The following LTC4S variants were observed in gnomAD, a reference collection of about 807,000 sequenced individuals.
The protein encoded by LTC4S is LTC4 synthase.
Under a neutral mutation model 19.6 loss-of-function variants are expected in LTC4S, and 18 were observed. The observed-to-expected ratio is 0.92, with a 90% CI of 0.64 to 1.36. LTC4S has a LOEUF of 1.36. Among genes scored for constraint, LTC4S ranks in the 40% most tolerant of loss-of-function variants. The probability of loss-of-function intolerance (pLI) is 0.00; values close to 1 mark genes in which losing one functional copy is unlikely to be tolerated. For synonymous variants in LTC4S, 126 were observed against 110.1 expected, an observed-to-expected ratio of 1.14 and a Z score of -0.91; for missense variants, 235 against 212.2, an observed-to-expected ratio of 1.11 and a Z score of -0.67.
rs546997286 is a variant in LTC4S at position 179,796,119 on chromosome 5, C to T, written c.311+97C>T. The T allele has an allele frequency of 2.8e-3, 3,682 of 1,295,786 alleles. 68 individuals carry two copies. The African/African-American group carries it at 0.043, about 15-fold the overall frequency. 80.3% of individuals were successfully genotyped at this position (1,295,786 alleles called of 1,614,324 possible). ...ACCGAAGCTGGGGGCGGGCGACGGG[C>T]CGGAGCCCAGCGCCTTTGGGGATTC... On this transcript the variant is annotated intron_variant, in intron 4 of 4. Transcript: ENST00000292596.
chr5:179,794,041 C>T lies in LTC4S; in HGVS notation c.-40C>T, dbSNP rs756542919. The T allele has an allele frequency of 7.4e-6, 12 of 1,613,202 alleles. No individual in the cohort carries two copies. Among genetic ancestry groups the T allele is most frequent in the African/African-American group, 5.3e-5 (4 of 75,034 alleles). On this transcript the variant is annotated 5_prime_UTR_variant, in exon 1 of 5. Coordinates refer to ENST00000292596, the MANE Select transcript of LTC4S (RefSeq NM_145867.2). ...AGACGGGGCTAAGCGTTCCCCAGCTCGCCTTCACACACAGCCCGTGCCACC... is the reference window on the plus strand; with the variant it reads ...AGACGGGGCTAAGCGTTCCCCAGCTTGCCTTCACACACAGCCCGTGCCACC...
In LTC4S at chr5:179,796,234, C is replaced by G. The variant is rs1231986884; in HGVS notation, c.312-19C>G. 1.4e-6 allele frequency: 2 copies of G among 1,446,530 alleles called. No individual in the cohort carries two copies. Among genetic ancestry groups the G allele is most frequent in the Admixed American group, 2.5e-5 (1 of 39,770 alleles). The allele number at this position is 1,446,530 out of a possible 1,614,324, so 89.6% of individuals were successfully genotyped here. A position where few individuals can be genotyped will look rare whatever the true frequency, so the allele number is the denominator to read the frequency against. Reference sequence around the variant, plus strand: ...AGCGGGCCTCCTCGCGCCACCTCCCCGCTGACCGCCGCCCGCAGGCTGGCA... The same window carrying G: ...AGCGGGCCTCCTCGCGCCACCTCCCGGCTGACCGCCGCCCGCAGGCTGGCA... On this transcript the variant is annotated intron_variant, in intron 4 of 4. Coordinates refer to ENST00000292596, the MANE Select transcript of LTC4S (RefSeq NM_145867.2).
At position 179,795,808 on chromosome 5, in the gene LTC4S, C is replaced by T. The variant is rs775692778; in HGVS notation, c.181C>T (p.Pro61Ser). The T allele has an allele frequency of 1.2e-6, 2 of 1,605,250 alleles. No individual in the cohort carries two copies. The highest frequency in any genetic ancestry group is 3.4e-5 in the Admixed American group (2 of 59,610). The change falls in exon 3 of 5, where the codon CCG (proline) becomes TCG (serine). Residue 61 changes from proline to serine, a missense_variant. Pro to Ser is a moderately conservative substitution (Grantham distance 74, BLOSUM62 -1). Transcript: ENST00000292596. ...CAGGGTGAACTGCAGCGAGTACTTC[C>T]CGCTGTTCCTCGCCACGCTCTGGGT... Reference protein sequence around the residue: ...RAQVNCSEYFPLFLATLWVAG... With the variant: ...RAQVNCSEYFSLFLATLWVAG...
In LTC4S at chr5:179,796,573, G is replaced by A; in HGVS notation, c.*179G>A. 1.0e-6 allele frequency: 1 copy of A among 1,003,612 alleles called. No homozygotes were observed. The highest frequency in any genetic ancestry group is 2.6e-5 in the South Asian group (1 of 38,300). 62.2% of individuals were successfully genotyped at this position (1,003,612 alleles called of 1,614,324 possible). A position where few individuals can be genotyped will look rare whatever the true frequency, so the allele number is the denominator to read the frequency against. ...CACCGCGGGCTACGGAGCCTGGAGG[G>A]GCCCAGCCCGAGTCCGGGCAGCCCG... On this transcript the variant is annotated 3_prime_UTR_variant, in exon 5 of 5. Coordinates refer to ENST00000292596, the MANE Select transcript of LTC4S (RefSeq NM_145867.2).
At position 179,795,663 on chromosome 5, in the gene LTC4S, C is replaced by T; in HGVS notation, c.138C>T (p.Phe46=). Residue 46 remains phenylalanine (F), a synonymous_variant, in exon 2 of 5, where the codon TTC becomes TTT. Transcript: ENST00000292596. ...CGCTCACCACCGGCCCACCCGAGTT[C>T]GAGCGCGTCTACCGAGCCCAGTGAG... is the stretch of plus-strand genomic sequence containing the variant. The part of the protein sequence containing the change: ...SPPLTTGPPE[F]ERVYRAQVNC... The T allele has an allele frequency of 6.2e-7, 1 of 1,607,520 alleles. No homozygotes were observed. Among genetic ancestry groups the T allele is most frequent in the Non-Finnish European group, 8.5e-7 (1 of 1,178,446 alleles).
chr5:179,794,697 C>T (rs1756553315), intron 1 of LTC4S, among the ~76,000 whole-genome samples: 1 of 152,218 alleles, frequency 6.6e-6, no homozygotes, highest in African/African-American at 2.4e-5. Context: ...CTGCACTGAG[C>T]TGGATGGCCA....
intron 1 of LTC4S, 93 bp from the exon 2 acceptor site, chr5:179,795,491 C>T: frequency 3.9e-6 from 6 of 1,528,898 alleles, no homozygotes; most frequent in Non-Finnish European, 5.3e-6. Context: ...GAGGACACGG[C>T]CAAGTGAAGG....
rs146614595 is a variant in LTC4S, at chr5:179,794,101, A to G, written c.21A>G (p.Leu7=). MKDEVA[L]LAAVTLLGVL... is the part of the protein sequence containing the mutation. Reference sequence around the variant, plus strand: ...GTACCATGAAGGACGAGGTAGCTCTACTGGCTGCTGTCACCCTCCTGGGAG... The same window carrying G: ...GTACCATGAAGGACGAGGTAGCTCTGCTGGCTGCTGTCACCCTCCTGGGAG... The change falls in exon 1 of 5, where the codon CTA becomes CTG. Residue 7 remains leucine, a synonymous_variant. Transcript: ENST00000292596. 138 of 1,613,608 alleles carry G rather than the reference A, an allele frequency of 8.6e-5. No homozygotes were observed. The highest frequency in any genetic ancestry group is 1.1e-4 in the Non-Finnish European group (135 of 1,179,964).
rs1172467708 is a variant in LTC4S at position 179,796,040 on chromosome 5, AGCGGG to A, written c.311+26_311+30del. The A allele has an allele frequency of 5.2e-6, 7 of 1,357,498 alleles. No homozygotes were observed. Among genetic ancestry groups the A allele is most frequent in the Non-Finnish European group, 6.8e-6 (7 of 1,030,606 alleles). 84.1% of individuals were successfully genotyped at this position (1,357,498 alleles called of 1,614,324 possible). A position where few individuals can be genotyped will look rare whatever the true frequency, so the allele number is the denominator to read the frequency against. ...CAGCTCAGGTGAGGGCCGGGCGGGG[AGCGGG>A]GCGGGGCCGGGGAAAGATCGCGGGC... On this transcript the variant is annotated intron_variant, in intron 4 of 4. Coordinates refer to ENST00000292596, the MANE Select transcript of LTC4S (RefSeq NM_145867.2).
Position 179,796,249 on chromosome 5 carries a change from G to A in LTC4S, c.312-4G>A, listed in dbSNP as rs980838794. 19 of 1,451,470 alleles carry A rather than the reference G, an allele frequency of 1.3e-5. 1 individual carries two copies. The highest frequency in any genetic ancestry group is 2.5e-5 in the Admixed American group (1 of 40,022). The allele number at this position is 1,451,470 out of a possible 1,614,324, so 89.9% of individuals were successfully genotyped here. A position where few individuals can be genotyped will look rare whatever the true frequency, so the allele number is the denominator to read the frequency against. ...GCCACCTCCCCGCTGACCGCCGCCC[G>A]CAGGCTGGCACCGCTGTACGCGAGC... On this transcript the variant is annotated splice_polypyrimidine_tract_variant and splice_region_variant and intron_variant, in intron 4 of 4. Transcript: ENST00000292596.
chr5:179,794,278 C>A, intron 1 of LTC4S, 140 bp downstream of exon 1: 1 of 1,084,214 alleles, frequency 9.2e-7, no homozygotes, highest in South Asian at 1.3e-5. Flanking sequence ...TTTCAGGGAA[C>A]TGGGGGGCAC....
At position 179,795,786 on chromosome 5, in the gene LTC4S, G is replaced by C. The variant is rs1453536887; in HGVS notation, c.159G>C (p.Gln53His). ...PPEFERVYRA[Q>H]VNCSEYFPLF... The stretch of plus-strand genomic sequence containing the variant: ...CGCTCATCCCACCCGCCCACCGCAG[G>C]GTGAACTGCAGCGAGTACTTCCCGC... The change falls in exon 3 of 5, where the codon CAG (glutamine) becomes CAC (histidine). Residue 53 changes from glutamine to histidine, a missense_variant and splice_region_variant. Transcript: ENST00000292596. 6.3e-7 allele frequency: 1 copy of C among 1,599,328 alleles called. No homozygotes were observed. Among genetic ancestry groups the C allele is most frequent in the East Asian group, 2.2e-5 (1 of 44,630 alleles).
Position 179,796,106 on chromosome 5 carries a change from G to A in LTC4S, c.311+84G>A, listed in dbSNP as rs534691041. ...CCTGGGGAGCGGGACCGAAGCTGGGGGCGGGCGACGGGCCGGAGCCCAGCG... is the reference window on the plus strand; with the variant it reads ...CCTGGGGAGCGGGACCGAAGCTGGGAGCGGGCGACGGGCCGGAGCCCAGCG... On this transcript the variant is annotated intron_variant, in intron 4 of 4. Transcript: ENST00000292596. The A allele has an allele frequency of 1.1e-4, 151 of 1,320,454 alleles. 1 individual carries two copies. In the African/African-American group the frequency reaches 2.2e-3, roughly 19 times the overall value. 81.8% of individuals were successfully genotyped at this position (1,320,454 alleles called of 1,614,324 possible).
rs547041461 is a variant in LTC4S at position 179,794,000 on chromosome 5, C to CCGTCTGCTG, written c.-77_-76insTGCTGCGTC. On this transcript the variant is annotated 5_prime_UTR_variant, in exon 1 of 5. Coordinates refer to ENST00000292596, the MANE Select transcript of LTC4S (RefSeq NM_145867.2). ...CCGAGGCTGCTCTTCCTCTCCTGGG[C>CCGTCTGCTG]CGTCCTCTGAGCAGCAGACGGGGCT... 155 of 1,607,006 alleles carry CCGTCTGCTG rather than the reference C, an allele frequency of 9.6e-5. No homozygotes were observed. Among genetic ancestry groups the CCGTCTGCTG allele is most frequent in the Admixed American group, 3.4e-4 (20 of 59,478 alleles).
Position 179,795,659 on chromosome 5 carries a change from A to C in LTC4S, c.134A>C (p.Glu45Ala). The change falls in exon 2 of 5, where the codon GAG (glutamate) becomes GCG (alanine). Residue 45 changes from glutamate (E) to alanine (A), a missense_variant. Coordinates refer to ENST00000292596, the MANE Select transcript of LTC4S (RefSeq NM_145867.2). ...VSPPLTTGPP[E>A]FERVYRAQVN... is the part of the protein sequence containing the mutation. ...CCGCCGCTCACCACCGGCCCACCCG[A>C]GTTCGAGCGCGTCTACCGAGCCCAG... The C allele has an allele frequency of 6.2e-7, 1 of 1,607,896 alleles. No individual in the cohort carries two copies. Among genetic ancestry groups the C allele is most frequent in the Non-Finnish European group, 8.5e-7 (1 of 1,178,584 alleles).
chr5:179,794,235 C>T (rs758106026), intron 1 of LTC4S, 97 bp downstream of exon 1: 1 of 1,470,440 alleles, frequency 6.8e-7, no homozygotes, highest in Non-Finnish European at 9.4e-7. Flanking sequence ...GTGGGGACTC[C>T]AGCCCAGGCC....
chr5:179,795,762 G>A (rs768403452), intron 2 of LTC4S, 24 bp from the exon 3 acceptor site: 5 of 1,579,342 alleles, frequency 3.2e-6, no homozygotes, highest in East Asian at 2.3e-5. Flanking sequence ...CGGCCGGCGC[G>A]CTCATCCCAC....
chr5:179,796,049 G>A (rs1470175666), intron 4 of LTC4S, 27 bp downstream of exon 4: 2 of 1,500,994 alleles, frequency 1.3e-6, no homozygotes, highest in East Asian at 2.7e-5. Context: ...GAGCGGGGCG[G>A]GGCCGGGGAA....
rs766013207 is a variant in LTC4S at position 179,794,089 on chromosome 5, C to T, written c.9C>T (p.Asp3=). 19 of 1,613,604 alleles carry T rather than the reference C, an allele frequency of 1.2e-5. No individual in the cohort carries two copies. The highest frequency in any genetic ancestry group is 2.2e-5 in the South Asian group (2 of 91,084). The part of the protein sequence containing the change: MK[D]EVALLAAVTL... ...ACCACACCGACGGTACCATGAAGGA[C>T]GAGGTAGCTCTACTGGCTGCTGTCA... The change falls in exon 1 of 5, where the codon GAC becomes GAT. Residue 3 remains aspartate, a synonymous_variant. Transcript: ENST00000292596.
Sources: gnomAD v4.1 joint callset for allele counts (sites outside exome capture counted in the v4.1 genomes callset) on GRCh38, gnomAD v4.1.1 for gene constraint, MANE v1.5 for transcripts, NCBI Gene and HGNC (gene_info 2026-07-23, HGNC 2026-07-21) for gene names.